The following FAF1 variants were observed in gnomAD, a reference collection of about 807,000 sequenced individuals.
The protein encoded by FAF1 is Fas associated factor 1.
FAF1 carries 25 observed loss-of-function variants against 92.5 expected under a neutral mutation model. The observed-to-expected ratio is 0.27, with a 90% CI of 0.20 to 0.38. The LOEUF is 0.38. Among genes scored for constraint, FAF1 ranks in the 10% least tolerant of loss-of-function variants. FAF1 has a pLI of 1.00. For synonymous variants in FAF1, 234 were observed against 273.2 expected, an observed-to-expected ratio of 0.86 and a Z score of 1.42; for missense variants, 636 against 793.3, an observed-to-expected ratio of 0.80 and a Z score of 2.38.
At chr1:50,761,244 A>C (rs1172489447) in intron 4 of FAF1, among the ~76,000 whole-genome samples, 1 of 152,246 alleles carries the variant, frequency 6.6e-6, no homozygotes, top group Non-Finnish European at 1.5e-5. Context: ...TTCACAGCCG[A>C]ATTCTACCAG....
At chr1:50,796,840 C>G (rs1282602944) in intron 3 of FAF1, among the ~76,000 whole-genome samples, 2 of 152,052 alleles carry the variant, frequency 1.3e-5, no homozygotes, top group Non-Finnish European at 2.9e-5. Flanking sequence ...GGTAAAATTT[C>G]TTGGGTAGAC....
At chr1:50,943,885 G>A (rs1186014190) in intron 1 of FAF1, among the ~76,000 whole-genome samples, 1 of 152,248 alleles carries the variant, frequency 6.6e-6, no homozygotes, top group Non-Finnish European at 1.5e-5. Context: ...AAAAGAGAGG[G>A]TTGTTCAGAA....
chr1:50,743,056 C>G (rs1316426900), intron 5 of FAF1, among the ~76,000 whole-genome samples: 1 of 152,206 alleles, frequency 6.6e-6, no homozygotes, highest in Non-Finnish European at 1.5e-5. Flanking sequence ...TGCTTTCCCA[C>G]TAAGAGAGCA....
Position 50,863,901 on chromosome 1 carries a change from G to A in FAF1, c.46-5904C>T, listed in dbSNP as rs539393602. ...TCAGAGCCTGTTATTGGTCTATTCA[G>A]AGAGTCAACTTCTTCCTGGTTTAGT... On this transcript the variant is annotated intron_variant, in intron 1 of 18. Transcript: ENST00000396153. Among the ~76,000 whole-genome samples, 18 of 152,212 alleles carry A rather than the reference G, an allele frequency of 1.2e-4. No homozygotes were observed. The South Asian group carries it at 3.7e-3, about 32-fold the overall frequency.
intron 4 of FAF1, among the ~76,000 whole-genome samples, chr1:50,778,149 G>A (rs1306177525): frequency 6.6e-6 from 1 of 152,136 alleles, no homozygotes; most frequent in African/African-American, 2.4e-5. Context: ...ATAATATTGA[G>A]TGAAAGAAGT....
chr1:50,783,105 A>T (rs1661238699), intron 4 of FAF1, among the ~76,000 whole-genome samples: 1 of 152,208 alleles, frequency 6.6e-6, no homozygotes, highest in South Asian at 2.1e-4. Context: ...CAAATTAGAT[A>T]ACATAGAAGA....
At chr1:50,828,616 A>G (rs1392966784) in intron 2 of FAF1, among the ~76,000 whole-genome samples, 3 of 152,138 alleles carry the variant, frequency 2.0e-5, no homozygotes, top group Admixed American at 6.5e-5. Flanking sequence ...ACCCCATGAG[A>G]AAAACAAAAC....
intron 4 of FAF1, among the ~76,000 whole-genome samples, chr1:50,768,934 CCAAAAT>C (rs1660677942): frequency 6.6e-6 from 1 of 151,428 alleles, no homozygotes; most frequent in Non-Finnish European, 1.5e-5. Context: ...CAAGAAATAA[CCAAAAT>C]CAAAGCTGAA....
chr1:50,873,543 T>C (rs1644545901), intron 1 of FAF1, among the ~76,000 whole-genome samples: 1 of 152,204 alleles, frequency 6.6e-6, no homozygotes. Flanking sequence ...GGCCAGAACC[T>C]GCAGATGGCG....
chr1:50,879,760 T>TC (rs1477047119), intron 1 of FAF1, among the ~76,000 whole-genome samples: 2 of 152,312 alleles, frequency 1.3e-5, no homozygotes, highest in East Asian at 3.9e-4. Flanking sequence ...CCTGACCCCA[T>TC]ACTCCTAAAT....
At chr1:50,597,179 T>C (rs1364570816) in intron 8 of FAF1, among the ~76,000 whole-genome samples, 1 of 152,192 alleles carries the variant, frequency 6.6e-6, no homozygotes, top group Non-Finnish European at 1.5e-5. Flanking sequence ...TTTACTAGTC[T>C]GTGAAGAATA....
At chr1:50,900,528 A>G (rs921764550) in intron 1 of FAF1, among the ~76,000 whole-genome samples, 2 of 151,934 alleles carry the variant, frequency 1.3e-5, no homozygotes, top group Non-Finnish European at 2.9e-5. Context: ...GACCAGTCTG[A>G]CTCCAAATTC....
chr1:50,809,223 A>G (rs1015089948), intron 2 of FAF1, among the ~76,000 whole-genome samples: 2 of 152,156 alleles, frequency 1.3e-5, no homozygotes. Context: ...AAGAAACAAG[A>G]GGAAACCAAC....
At chr1:50,474,375 A>G (rs2148998515) in intron 18 of FAF1, among the ~76,000 whole-genome samples, 1 of 152,110 alleles carries the variant, frequency 6.6e-6, no homozygotes, top group Non-Finnish European at 1.5e-5. Context: ...GTTTTTCAGC[A>G]TGAAGCCTAA....
intron 15 of FAF1, among the ~76,000 whole-genome samples, chr1:50,499,916 T>C (rs1050131695): frequency 4.6e-5 from 7 of 152,150 alleles, no homozygotes; most frequent in African/African-American, 1.7e-4. Context: ...ATATCATTTA[T>C]AATAGCATAA....
chr1:50,511,224 A>G (rs1557975497), intron 15 of FAF1, among the ~76,000 whole-genome samples: 1 of 152,142 alleles, frequency 6.6e-6, no homozygotes, highest in African/African-American at 2.4e-5. Flanking sequence ...TCTTTTTTAA[A>G]TTACTTTTAA....
At chr1:50,720,886 C>G (rs1250123881) in intron 6 of FAF1, among the ~76,000 whole-genome samples, 1 of 152,134 alleles carries the variant, frequency 6.6e-6, no homozygotes, top group Non-Finnish European at 1.5e-5. Flanking sequence ...CCTCTCATAA[C>G]TTGTATCATA....
At chr1:50,651,570 T>C (rs561788152) in intron 8 of FAF1, among the ~76,000 whole-genome samples, 1 of 152,314 alleles carries the variant, frequency 6.6e-6, no homozygotes, top group South Asian at 2.1e-4. Flanking sequence ...TTATAACCAA[T>C]CCTCTACTCT....
At chr1:50,641,786 G>A (rs939863357) in intron 8 of FAF1, among the ~76,000 whole-genome samples, 3 of 152,104 alleles carry the variant, frequency 2.0e-5, no homozygotes, top group Non-Finnish European at 4.4e-5. Flanking sequence ...CTACCTGTGT[G>A]TCAGCTTTGG....
Sources: gnomAD v4.1 joint callset for allele counts (sites outside exome capture counted in the v4.1 genomes callset) on GRCh38, gnomAD v4.1.1 for gene constraint, MANE v1.5 for transcripts, NCBI Gene and HGNC (gene_info 2026-07-23, HGNC 2026-07-21) for gene names.